The following ABCC4 variants were observed in gnomAD, a reference collection of about 807,000 sequenced individuals.
ABCC4 encodes the protein ATP-binding cassette sub-family C member 4.
In ABCC4, 102 loss-of-function variants were observed where a neutral mutation model predicts 168.5. That is an observed-to-expected ratio of 0.61 (90% CI 0.52 to 0.71). The LOEUF is 0.71. Ranked by LOEUF, ABCC4 falls within the 30% of genes least tolerant of loss-of-function variation. The pLI is 0.00. For missense variants in ABCC4, 1,402 were observed against 1,605.8 expected (o/e 0.87, Z 2.17); for synonymous variants, 617 against 590.7 (o/e 1.04, Z -0.65).
At chr13:95,089,484 C>G (rs986328189) in intron 20 of ABCC4, among the ~76,000 whole-genome samples, 1 of 151,862 alleles carries the variant, frequency 6.6e-6, no homozygotes, top group Non-Finnish European at 1.5e-5. Flanking sequence ...TAGGCGTGGT[C>G]ACGGGCACCT....
chr13:95,037,865 AT>A (rs905529632), intron 29 of ABCC4, among the ~76,000 whole-genome samples: 1 of 151,974 alleles, frequency 6.6e-6, no homozygotes, highest in Non-Finnish European at 1.5e-5. Context: ...AAGAAGACAA[AT>A]TTTTTGTTGT....
intron 19 of ABCC4, among the ~76,000 whole-genome samples, chr13:95,129,881 C>T (rs569213670): frequency 7.9e-5 from 12 of 152,128 alleles, no homozygotes; most frequent in Admixed American, 7.2e-4. Flanking sequence ...TGGAGACCAG[C>T]CTGGCCAACG....
chr13:95,226,037 T>C (rs1403672033), intron 4 of ABCC4, among the ~76,000 whole-genome samples: 2 of 150,414 alleles, frequency 1.3e-5, no homozygotes, highest in Non-Finnish European at 3.0e-5. Flanking sequence ...AAATACACTA[T>C]TTTCTTAGAC....
chr13:95,022,509 A>AT (rs1156671185), intron 30 of ABCC4, among the ~76,000 whole-genome samples: 2 of 152,204 alleles, frequency 1.3e-5, no homozygotes, highest in East Asian at 3.8e-4. Flanking sequence ...ACAGATGCGC[A>AT]TAACAAAATG....
At chr13:95,155,659 C>T (rs1345668179) in intron 19 of ABCC4, among the ~76,000 whole-genome samples, 1 of 152,162 alleles carries the variant, frequency 6.6e-6, no homozygotes, top group Non-Finnish European at 1.5e-5. Flanking sequence ...CCCACGCACA[C>T]ACTGGAGAAA....
intron 4 of ABCC4, among the ~76,000 whole-genome samples, chr13:95,211,774 A>C (rs567169973): frequency 6.6e-6 from 1 of 152,278 alleles, no homozygotes; most frequent in East Asian, 1.9e-4. Flanking sequence ...TACTGGAAGG[A>C]GGAGAATGAG....
intron 8 of ABCC4, among the ~76,000 whole-genome samples, chr13:95,206,191 A>G (rs557763359): frequency 6.6e-6 from 1 of 152,264 alleles, no homozygotes; most frequent in Admixed American, 6.5e-5. Context: ...CATACTCACT[A>G]CTTTCTCATT....
At chr13:95,091,365 C>A (rs950836413) in intron 20 of ABCC4, among the ~76,000 whole-genome samples, 10 of 152,064 alleles carry the variant, frequency 6.6e-5, no homozygotes, top group African/African-American at 2.2e-4. Context: ...AAAGGTAAGA[C>A]CAAAGAAAGA....
intron 30 of ABCC4, among the ~76,000 whole-genome samples, chr13:95,027,724 G>A (rs1401020244): frequency 6.6e-6 from 1 of 151,860 alleles, no homozygotes; most frequent in Non-Finnish European, 1.5e-5. Context: ...GGAAACAAAA[G>A]GAACACATGC....
intron 1 of ABCC4, among the ~76,000 whole-genome samples, chr13:95,260,828 C>T (rs4148432): frequency 0.098 from 14,906 of 151,838 alleles, 1,608 homozygotes; most frequent in African/African-American, 0.26. Flanking sequence ...GGAAATCAGT[C>T]AGGAATTGGA....
At chr13:95,240,112 G>T (rs1340419519) in intron 3 of ABCC4, among the ~76,000 whole-genome samples, 1 of 152,122 alleles carries the variant, frequency 6.6e-6, no homozygotes, top group Non-Finnish European at 1.5e-5. Flanking sequence ...ACTAACTTCT[G>T]GTACCAGATG....
chr13:95,268,992 G>A (rs1009551496), intron 1 of ABCC4, among the ~76,000 whole-genome samples: 1 of 152,132 alleles, frequency 6.6e-6, no homozygotes, highest in Non-Finnish European at 1.5e-5. Context: ...GGAGGGGAAG[G>A]CCACCCCTTC....
At chr13:95,094,234 C>G (rs1036855058) in intron 20 of ABCC4, among the ~76,000 whole-genome samples, 5 of 152,082 alleles carry the variant, frequency 3.3e-5, no homozygotes, top group Admixed American at 1.3e-4. Context: ...CAAGACTAAT[C>G]AAACAGAACA....
Position 95,207,899 on chromosome 13 carries a change from G to A in ABCC4, c.812C>T (p.Ala271Val), listed in dbSNP as rs911530513. ...AACTTCATTCATGGTCCTGATCCTG[G>A]CATCCGTGAAAGTTGCAGTTTTACT... Reference protein sequence around the residue: ...LRSKTATFTDARIRTMNEVIT... With the variant: ...LRSKTATFTDVRIRTMNEVIT... The change falls in exon 7 of 31, where the codon GCC (alanine) becomes GTC (valine). Residue 271 changes from alanine (A) to valine (V), a missense_variant. Around this residue, in one of 3 missense-constraint regions of ABCC4, gnomAD observed 317 missense variants for 345.5 expected, o/e 0.92. Coordinates refer to ENST00000645237, the MANE Select transcript of ABCC4 (RefSeq NM_005845.5). 13 of 1,613,430 alleles carry A rather than the reference G, an allele frequency of 8.1e-6. No individual in the cohort carries two copies. The highest frequency in any genetic ancestry group is 1.1e-5 in the Non-Finnish European group (13 of 1,179,880).
rs111993261 is a variant in ABCC4, at chr13:95,243,321, T to C, written c.306+3654A>G. On this transcript the variant is annotated intron_variant, in intron 3 of 30. Coordinates refer to ENST00000645237, the MANE Select transcript of ABCC4 (RefSeq NM_005845.5). ...AGCAAACTGCACACCCACTTCACGA[T>C]TCAGGCCAAAGGCTTCTGAAACTGC... is the stretch of plus-strand genomic sequence containing the variant. Among the ~76,000 whole-genome samples the C allele has an allele frequency of 6.6e-3, 1,011 of 152,296 alleles. 17 individuals are homozygous for C. Among genetic ancestry groups the C allele is most frequent in the African/African-American group, 0.023 (958 of 41,560 alleles).
Position 95,163,666 on chromosome 13 carries a change from C to T in ABCC4, c.2176-19G>A, listed in dbSNP as rs1404415266. 6.2e-7 allele frequency: 1 copy of T among 1,606,802 alleles called. No homozygotes were observed. Among genetic ancestry groups the T allele is most frequent in the Admixed American group, 1.7e-5 (1 of 59,758 alleles). On this transcript the variant is annotated intron_variant, in intron 16 of 30. Transcript: ENST00000645237. ...AGGCAACCTAGGAGGGGAGAAACAA[C>T]AAAGACAAAAATCAAACTTGGGCAT...
chr13:95,281,595 A>G (rs73548871), intron 1 of ABCC4, among the ~76,000 whole-genome samples: 1,786 of 152,268 alleles, frequency 0.012, 34 homozygotes, highest in African/African-American at 0.04. Context: ...AATCTTACCC[A>G]AACTCAACCC....
intron 3 of ABCC4, among the ~76,000 whole-genome samples, chr13:95,242,109 G>C (rs1015633722): frequency 2.6e-5 from 4 of 152,130 alleles, no homozygotes; most frequent in Admixed American, 6.5e-5. Context: ...CTAAATGCTA[G>C]GTTAAGTTTA....
chr13:95,135,415 TC>T (rs1338851122), intron 19 of ABCC4, among the ~76,000 whole-genome samples: 1 of 149,850 alleles, frequency 6.7e-6, no homozygotes, highest in East Asian at 1.9e-4. Context: ...TGTCCATAAT[TC>T]TTTTTTTTTT....
Sources: allele counts gnomAD v4.1 joint callset (sites outside exome capture counted in the v4.1 genomes callset), GRCh38; gene constraint gnomAD v4.1.1; regional missense constraint gnomAD v4.1.1; transcripts MANE v1.5; gene names NCBI Gene and HGNC (gene_info 2026-07-23, HGNC 2026-07-21).